The following TCIRG1 variants were observed in gnomAD, a reference collection of about 807,000 sequenced individuals.
TCIRG1 encodes V-type proton ATPase 116 kDa subunit a 3.
TCIRG1 carries 86 observed loss-of-function variants against 95.5 expected under a neutral mutation model. The observed-to-expected ratio is 0.90, with a 90% CI of 0.76 to 1.08. The LOEUF (loss-of-function observed/expected upper bound fraction) is 1.08. Ranked by LOEUF, TCIRG1 falls within the 50% of genes least tolerant of loss-of-function variation. The pLI is 0.00. For missense variants in TCIRG1, 1,069 were observed against 1,140.2 expected (o/e 0.94, Z 0.90); for synonymous variants, 499 against 501.3 (o/e 1.00, Z 0.06).
At position 68,049,285 on chromosome 11, in the gene TCIRG1, C is replaced by T. The variant is rs2134460930; in HGVS notation, c.1878C>T (p.Tyr626=). 5 of 1,608,302 alleles carry T rather than the reference C, an allele frequency of 3.1e-6. No homozygotes were observed. The highest frequency in any genetic ancestry group is 4.2e-6 in the Non-Finnish European group (5 of 1,176,854). ...FSHSPSNRLL[Y]PRQEVVQATL... The stretch of plus-strand genomic sequence containing the variant: ...ACAGCCCCAGCAACAGGCTGCTCTA[C>T]CCCCGGCAGGTGGGCTGCGGCTGGT... Residue 626 remains tyrosine, a synonymous_variant, in exon 15 of 20, where the codon TAC becomes TAT. Transcript: ENST00000265686.
At position 68,047,879 on chromosome 11, in the gene TCIRG1, C is replaced by T; in HGVS notation, c.1464-3C>T. 1 of 1,613,536 alleles carries T rather than the reference C, an allele frequency of 6.2e-7. No individual in the cohort carries two copies. ...CTGACCGCCCTCCCCTGCGTTGCCG[C>T]AGTGATGCATTCCTGGCCCAGCACA... On this transcript the variant is annotated splice_polypyrimidine_tract_variant and splice_region_variant and intron_variant, in intron 12 of 19. Coordinates refer to ENST00000265686, the MANE Select transcript of TCIRG1 (RefSeq NM_006019.4).
intron 1 of TCIRG1, among the ~76,000 whole-genome samples, chr11:68,040,477 G>A (rs570342021): frequency 1.3e-5 from 2 of 152,314 alleles, no homozygotes; most frequent in African/African-American, 4.8e-5. Flanking sequence ...GAAGTGACTG[G>A]CTGGGCAGGC....
At chr11:68,039,979 C>T (rs1046227180) in intron 1 of TCIRG1, 1 of 152,378 alleles carries the variant, frequency 6.6e-6, no homozygotes, top group Non-Finnish European at 1.5e-5. Context: ...CACAACCCTC[C>T]TCTGAGCTCA....
In TCIRG1 at chr11:68,049,679, C is replaced by T. The variant is rs763119311; in HGVS notation, c.1904C>T (p.Thr635Met). Residue 635 changes from threonine (T) to methionine (M), a missense_variant, in exon 16 of 20, where the codon ACG becomes ATG. Transcript: ENST00000265686. ...LYPRQEVVQA[T>M]LVVLALAMVP... ...CCCTGGCAGGAGGTGGTCCAGGCCA[C>T]GCTGGTGGTCCTGGCCTTGGCCATG... The T allele has an allele frequency of 1.3e-4, 216 of 1,600,916 alleles. 5 individuals carry two copies. In the South Asian group the frequency reaches 2.2e-3, roughly 16 times the overall value.
chr11:68,042,559 C>T (rs1356053965), intron 3 of TCIRG1, 84 bp from the exon 4 acceptor site: 1 of 1,132,654 alleles, frequency 8.8e-7, no homozygotes. Context: ...CAGCTGGTGG[C>T]CGATGGAGTT....
At chr11:68,043,236 T>C (rs980867175) in intron 5 of TCIRG1, 135 bp from the exon 6 acceptor site, 2 of 1,474,544 alleles carry the variant, frequency 1.4e-6, no homozygotes, top group African/African-American at 2.8e-5. Flanking sequence ...GGAGGCCTCC[T>C]GCCTTCCCCT....
At chr11:68,051,297 C>A (rs148786937), downstream of TCIRG1, among the ~76,000 whole-genome samples, 1 of 152,180 alleles carries the variant, frequency 6.6e-6, no homozygotes, top group Admixed American at 6.5e-5. Context: ...TGGTGTCACA[C>A]GCCCAAGGCC....
chr11:68,049,060 C>T, intron 14 of TCIRG1, 21 bp from the exon 15 acceptor site: 2 of 1,612,976 alleles, frequency 1.2e-6, no homozygotes, highest in Non-Finnish European at 8.5e-7. Context: ...CCAGTGAGCA[C>T]ACCTCCCTCT....
intron 10 of TCIRG1, 116 bp from the exon 11 acceptor site, chr11:68,047,317 G>C: frequency 9.1e-7 from 1 of 1,102,568 alleles, no homozygotes; most frequent in East Asian, 2.9e-5. Context: ...CACTGTGCCT[G>C]GCTGCTAAGT....
At chr11:68,044,500 G>A (rs950666516) in intron 9 of TCIRG1, among the ~76,000 whole-genome samples, 156 bp downstream of exon 9, 1 of 152,156 alleles carries the variant, frequency 6.6e-6, no homozygotes, top group Non-Finnish European at 1.5e-5. Flanking sequence ...CTTCCAGGGA[G>A]TCTGCCCTGA....
At chr11:68,051,450 G>A (rs1334713133), downstream of TCIRG1, among the ~76,000 whole-genome samples, 3 of 152,230 alleles carry the variant, frequency 2.0e-5, no homozygotes, top group Admixed American at 6.5e-5. Context: ...CTCCCAGGTG[G>A]TCCTTCCTGC....
intron 9 of TCIRG1, chr11:68,044,680 C>G (rs557334945): frequency 1.7e-6 from 1 of 593,134 alleles, no homozygotes; most frequent in Non-Finnish European, 3.0e-6. Context: ...TCACCCGCCG[C>G]GCACAGCAGG....
chr11:68,045,203 T>G, intron 10 of TCIRG1, 101 bp downstream of exon 10: 1 of 1,462,368 alleles, frequency 6.8e-7, no homozygotes, highest in South Asian at 1.2e-5. Context: ...GGGCCTGGCC[T>G]GCCCTCCTGG....
At chr11:68,041,650 G>C (rs1158656552) in intron 2 of TCIRG1, 103 bp from the exon 3 acceptor site, 2 of 977,926 alleles carry the variant, frequency 2.0e-6, no homozygotes, top group Non-Finnish European at 3.2e-6. Flanking sequence ...CACCTTTCTG[G>C]AGGAGGCAGC....
At chr11:68,052,278 G>C (rs1425601333), downstream of TCIRG1, 1 of 152,366 alleles carries the variant, frequency 6.6e-6, no homozygotes, top group Non-Finnish European at 1.5e-5. Flanking sequence ...GAATAGGAAG[G>C]CCTGAGACTG....
In TCIRG1 at chr11:68,048,140, T is replaced by C. The variant is rs531233922; in HGVS notation, c.1554+168T>C. Reference sequence around the variant, plus strand: ...AGCCTCCTGCCCTGCGGAGCCTGCATCACAGTCCCCTGAGTGTGCGGAGGC... The same window carrying C: ...AGCCTCCTGCCCTGCGGAGCCTGCACCACAGTCCCCTGAGTGTGCGGAGGC... On this transcript the variant is annotated intron_variant, in intron 13 of 19. Transcript: ENST00000265686. The C allele has an allele frequency of 1.2e-4, 84 of 712,130 alleles. No homozygotes were observed. In the South Asian group the frequency reaches 1.3e-3, roughly 11 times the overall value. 44.1% of individuals were successfully genotyped at this position (712,130 alleles called of 1,614,324 possible).
chr11:68,047,166 A>G (rs1855532579), intron 10 of TCIRG1, among the ~76,000 whole-genome samples: 1 of 146,278 alleles, frequency 6.8e-6, no homozygotes, highest in South Asian at 2.1e-4. Flanking sequence ...ACCTGCCACC[A>G]TGCCCAGCTA....
chr11:68,053,665 T>C (rs896964838), downstream of TCIRG1: 20 of 305,952 alleles, frequency 6.5e-5, no homozygotes, highest in Admixed American at 4.8e-5. Flanking sequence ...CTGCTTACTC[T>C]TGCTGTTTGC....
At chr11:68,046,059 C>T (rs1855468225) in intron 10 of TCIRG1, among the ~76,000 whole-genome samples, 1 of 152,254 alleles carries the variant, frequency 6.6e-6, no homozygotes, top group Non-Finnish European at 1.5e-5. Context: ...AGAGCATCAC[C>T]TGGAGGCCCG....
Sources: allele counts gnomAD v4.1 joint callset (sites outside exome capture counted in the v4.1 genomes callset), GRCh38; gene constraint gnomAD v4.1.1; transcripts MANE v1.5; gene names NCBI Gene and HGNC (gene_info 2026-07-23, HGNC 2026-07-21).